Variants in CADM2 observed in about 807,000 individuals in gnomAD.
CADM2 encodes cell adhesion molecule 2, also known as immunoglobulin superfamily member 4D.
CADM2 carries 12 observed loss-of-function variants against 49.8 expected under a neutral mutation model. The observed-to-expected ratio is 0.24, with a 90% CI of 0.15 to 0.39. The LOEUF (loss-of-function observed/expected upper bound fraction) is 0.39. Ranked by LOEUF, CADM2 falls within the 10% of genes least tolerant of loss-of-function variation. The pLI, the probability that CADM2 is intolerant of heterozygous loss-of-function variation, is 1.00. For missense variants in CADM2, 378 were observed against 492.3 expected (o/e 0.77, Z 2.20); for synonymous variants, 214 against 175.4 (o/e 1.22, Z -1.74).
intron 3 of CADM2, among the ~76,000 whole-genome samples, chr3:85,825,622 C>A (rs748043173): frequency 6.6e-6 from 1 of 151,944 alleles, no homozygotes; most frequent in Non-Finnish European, 1.5e-5. Flanking sequence ...CTATGAGTAA[C>A]AAAATTATTC....
At chr3:85,746,902 G>A (rs1243600399) in intron 2 of CADM2, among the ~76,000 whole-genome samples, 1 of 151,970 alleles carries the variant, frequency 6.6e-6, no homozygotes, top group Non-Finnish European at 1.5e-5. Flanking sequence ...TTCTCTGAGG[G>A]CTGAGGCTTT....
intron 3 of CADM2, among the ~76,000 whole-genome samples, chr3:85,856,606 T>C (rs1249908357): frequency 6.6e-6 from 1 of 152,222 alleles, no homozygotes; most frequent in Non-Finnish European, 1.5e-5. Flanking sequence ...CAGGCATCAA[T>C]ATATTATGCT....
At chr3:85,023,688 T>C (rs1388133522) in intron 1 of CADM2, among the ~76,000 whole-genome samples, 1 of 152,096 alleles carries the variant, frequency 6.6e-6, no homozygotes, top group African/African-American at 2.4e-5. Flanking sequence ...TGTACATTAA[T>C]GTTTCAACAT....
intron 3 of CADM2, among the ~76,000 whole-genome samples, chr3:85,881,795 A>G (rs897302291): frequency 7.2e-5 from 11 of 151,922 alleles, no homozygotes; most frequent in African/African-American, 1.7e-4. Context: ...GTGGAAGACA[A>G]TTTTTCCATG....
chr3:85,054,536 T>C (rs1008298162), intron 1 of CADM2, among the ~76,000 whole-genome samples: 1 of 151,882 alleles, frequency 6.6e-6, no homozygotes, highest in African/African-American at 2.4e-5. Flanking sequence ...GTCTTATGAA[T>C]TATATGGCAT....
At chr3:85,729,138 T>C (rs2067830956) in intron 2 of CADM2, among the ~76,000 whole-genome samples, 1 of 152,166 alleles carries the variant, frequency 6.6e-6, no homozygotes, top group Non-Finnish European at 1.5e-5. Context: ...GATGAACATA[T>C]TATATTCTTT....
At chr3:85,297,017 C>CA (rs149753821) in intron 1 of CADM2, among the ~76,000 whole-genome samples, 10,057 of 152,002 alleles carry the variant, frequency 0.066, 1,085 homozygotes, top group African/African-American at 0.23. Context: ...TGTGCTTTAT[C>CA]CCCTCACAGG....
intron 1 of CADM2, among the ~76,000 whole-genome samples, chr3:85,525,364 A>T (rs141148264): frequency 1.6e-3 from 244 of 152,212 alleles, no homozygotes; most frequent in African/African-American, 5.5e-3. Flanking sequence ...CTATATTCAG[A>T]TCTTTAGTTT....
rs567461909 is a variant in CADM2 at position 85,002,469 on chromosome 3, G to A, written c.61+42801G>A. ...ACTTTATTACCCATCACAATCAGAA[G>A]CAAAAATACTGTAAAGGCATACAGA... On this transcript the variant is annotated intron_variant, in intron 1 of 9. Coordinates refer to ENST00000383699, the MANE Select transcript of CADM2 (RefSeq NM_001167675.2). Among the ~76,000 whole-genome samples the A allele has an allele frequency of 2.0e-5, 3 of 152,178 alleles. No individual in the cohort carries two copies. The South Asian group carries it at 6.2e-4, about 31-fold the overall frequency.
intron 1 of CADM2, among the ~76,000 whole-genome samples, chr3:85,275,007 A>C (rs2043323957): frequency 6.6e-6 from 1 of 151,414 alleles, no homozygotes; most frequent in East Asian, 1.9e-4. Context: ...GAAAAGGAAA[A>C]AGCCTAGCCA....
At chr3:85,220,990 T>A (rs2042032456) in intron 1 of CADM2, among the ~76,000 whole-genome samples, 1 of 152,156 alleles carries the variant, frequency 6.6e-6, no homozygotes, top group African/African-American at 2.4e-5. Flanking sequence ...CATTGTTAGA[T>A]GTCTTTAAGA....
intron 1 of CADM2, among the ~76,000 whole-genome samples, chr3:85,718,881 T>TA (rs1171373429): frequency 2.1e-4 from 26 of 122,792 alleles, no homozygotes; most frequent in Non-Finnish European, 3.8e-4. Context: ...ATTAATGGTA[T>TA]TTTATTATTA....
intron 8 of CADM2, among the ~76,000 whole-genome samples, chr3:86,043,846 G>C (rs1015129126): frequency 2.0e-5 from 3 of 152,064 alleles, no homozygotes; most frequent in South Asian, 2.1e-4. Flanking sequence ...CAGCATGGTA[G>C]TGGTACCAAA....
At chr3:85,314,533 C>A (rs1246939056) in intron 1 of CADM2, among the ~76,000 whole-genome samples, 1 of 151,914 alleles carries the variant, frequency 6.6e-6, no homozygotes, top group African/African-American at 2.4e-5. Flanking sequence ...ACTTAAATCT[C>A]CGGTTATTAT....
chr3:85,593,990 G>GA (rs565707328), intron 1 of CADM2, among the ~76,000 whole-genome samples: 2 of 149,040 alleles, frequency 1.3e-5, no homozygotes, highest in South Asian at 2.1e-4. Context: ...TATAGTGAGT[G>GA]AAAAAAAAAG....
intron 1 of CADM2, among the ~76,000 whole-genome samples, chr3:85,082,194 T>C (rs1330811647): frequency 2.0e-5 from 3 of 152,178 alleles, no homozygotes; most frequent in Admixed American, 1.3e-4. Context: ...GAAACTAGGA[T>C]ACTGTCTTGA....
At chr3:85,867,227 T>C (rs2075756446) in intron 3 of CADM2, among the ~76,000 whole-genome samples, 1 of 152,012 alleles carries the variant, frequency 6.6e-6, no homozygotes, top group South Asian at 2.1e-4. Context: ...CCTTCCTTCT[T>C]TTATTAGTTT....
At chr3:85,929,906 G>A (rs1412561578) in intron 6 of CADM2, among the ~76,000 whole-genome samples, 4 of 151,844 alleles carry the variant, frequency 2.6e-5, no homozygotes, top group Non-Finnish European at 5.9e-5. Flanking sequence ...AAAATAAATA[G>A]AAATAATAAT....
intron 8 of CADM2, chr3:86,013,363 T>C (rs1270630821): frequency 1.3e-6 from 2 of 1,544,280 alleles, no homozygotes; most frequent in East Asian, 2.3e-5. Flanking sequence ...TTATTGATTC[T>C]GATGGGAAAG....
Sources: gnomAD v4.1 joint callset for allele counts (sites outside exome capture counted in the v4.1 genomes callset) on GRCh38, gnomAD v4.1.1 for gene constraint, MANE v1.5 for transcripts, NCBI Gene and HGNC (gene_info 2026-07-23, HGNC 2026-07-21) for gene names.